The following ADAMTS9 variants were observed in gnomAD, a reference collection of about 807,000 sequenced individuals.
ADAMTS9 encodes the protein ADAM metallopeptidase with thrombospondin type 1 motif 9.
A neutral mutation model predicts 257.1 loss-of-function variants in ADAMTS9; 107 were observed. The observed-to-expected ratio is 0.42, with a 90% confidence interval of 0.36 to 0.49. The LOEUF is 0.49. Ranked by LOEUF, ADAMTS9 falls within the 20% of genes least tolerant of loss-of-function variation. ADAMTS9 has a pLI of 0.03. For missense variants in ADAMTS9, 2,353 were observed against 2,469.1 expected, an observed-to-expected ratio of 0.95 and a Z score of 1.00; for synonymous variants, 982 against 880.9, an observed-to-expected ratio of 1.11 and a Z score of -2.03.
At chr3:64,633,382 A>C in intron 14 of ADAMTS9, 90 bp downstream of exon 14, 1 of 1,556,102 alleles carries the variant, frequency 6.4e-7, no homozygotes, top group Non-Finnish European at 8.7e-7. Context: ...CAGTGCACAG[A>C]TACTAGCAGT....
chr3:64,658,441 A>AC, intron 4 of ADAMTS9, 61 bp downstream of exon 4: 3 of 1,524,528 alleles, frequency 2.0e-6, no homozygotes, highest in Non-Finnish European at 2.7e-6. Context: ...CTGAGTGGAA[A>AC]CCCATTCCCC....
chr3:64,557,045 G>A (rs553897124), intron 30 of ADAMTS9, among the ~76,000 whole-genome samples: 8 of 152,294 alleles, frequency 5.3e-5, no homozygotes, highest in East Asian at 1.9e-4. Flanking sequence ...AGTAATCTGC[G>A]TGTGTTGTGA....
chr3:64,633,636 C>A (rs777362942), intron 13 of ADAMTS9, 28 bp from the exon 14 acceptor site: 10 of 1,614,030 alleles, frequency 6.2e-6, no homozygotes, highest in Admixed American at 1.7e-5. Flanking sequence ...TACAACTTGA[C>A]TTTTGTGCCT....
intron 30 of ADAMTS9, among the ~76,000 whole-genome samples, chr3:64,555,919 C>G (rs1263174140): frequency 6.6e-6 from 1 of 152,146 alleles, no homozygotes; most frequent in Admixed American, 6.6e-5. Context: ...ATGCCTGGAA[C>G]TTCACAAGGG....
intron 31 of ADAMTS9, chr3:64,550,600 G>A: frequency 8.0e-6 from 3 of 374,550 alleles, no homozygotes; most frequent in South Asian, 4.5e-5. Context: ...CATCCTATGA[G>A]TTTGCAGCCC....
At chr3:64,622,715 T>C (rs926067919) in intron 16 of ADAMTS9, 129 bp from the exon 17 acceptor site, 9 of 955,134 alleles carry the variant, frequency 9.4e-6, no homozygotes, top group African/African-American at 6.6e-5. Flanking sequence ...CAGACAGGCA[T>C]GGCTTCAAGT....
rs766001875 is a variant in ADAMTS9, at chr3:64,631,824, A to G, written c.2277T>C (p.Phe759=). The G allele has an allele frequency of 6.2e-7, 1 of 1,613,142 alleles. No individual in the cohort carries two copies. The change falls in exon 15 of 40, where the codon TTT becomes TTC. Residue 759 remains phenylalanine, a synonymous_variant. Coordinates refer to ENST00000498707, the MANE Select transcript of ADAMTS9 (RefSeq NM_182920.2). ...GATTCTTACCATAATGTACTGTATT[A>G]AATGTTCCTGCCACTGTTTTGCATG... ...NSSCKTVAGT[F]NTVHYGYNTV...
chr3:64,658,482 C>CT lies in ADAMTS9; in HGVS notation c.969+19dup. The CT allele has an allele frequency of 6.2e-7, 1 of 1,600,140 alleles. No individual in the cohort carries two copies. Among genetic ancestry groups the CT allele is most frequent in the Non-Finnish European group, 8.5e-7 (1 of 1,173,004 alleles). ...CACATTTAGAGACCTCATAAATCAC[C>CT]TTCGTTTGAATGTACTTACAATTGA... On this transcript the variant is annotated intron_variant, in intron 4 of 39. Transcript: ENST00000498707.
At chr3:64,619,620 G>A (rs1393095810) in intron 19 of ADAMTS9, among the ~76,000 whole-genome samples, 1 of 151,992 alleles carries the variant, frequency 6.6e-6, no homozygotes, top group African/African-American at 2.4e-5. Context: ...AATAGATAAT[G>A]GGATAATATA....
rs1450584407 is a variant in ADAMTS9, at chr3:64,601,953, G to T, written c.4008C>A (p.Pro1336=). 1 of 1,603,596 alleles carries T rather than the reference G, an allele frequency of 6.2e-7. No homozygotes were observed. Among genetic ancestry groups the T allele is most frequent in the African/African-American group, 1.3e-5 (1 of 74,740 alleles). The change falls in exon 26 of 40, where the codon CCC becomes CCA. Residue 1336 remains proline (P), a synonymous_variant. Coordinates refer to ENST00000498707, the MANE Select transcript of ADAMTS9 (RefSeq NM_182920.2). ...TTCAGGGAATACTCACTGCTCCCCA[G>T]GGGCCAGTTCTCCACTGGTTTCCAC... The part of the protein sequence containing the change: ...VLGGNQWRTG[P]WGACSSTCAG...
At position 64,655,684 on chromosome 3, in the gene ADAMTS9, G is replaced by A. The variant is rs1701051638; in HGVS notation, c.1061C>T (p.Pro354Leu). 1.7e-5 allele frequency: 27 copies of A among 1,613,610 alleles called. No homozygotes were observed. Among genetic ancestry groups the A allele is most frequent in the Non-Finnish European group, 2.0e-5 (24 of 1,179,590 alleles). The part of the protein sequence containing the change: ...LIVIHNEQDG[P>L]SISFNAQTTL... ...TGTCTGAGCATTAAAAGATATGGAA[G>A]GCCCATCCTAAATACAGAGAAGAAT... is the stretch of plus-strand genomic sequence containing the variant. The change falls in exon 6 of 40, where the codon CCT becomes CTT. Residue 354 changes from proline to leucine, a missense_variant. Pro to Leu is a moderately conservative substitution (Grantham distance 98). This residue lies in a region of ADAMTS9 where 591 missense variants were observed against 569.6 expected (regional missense o/e 1.04). Coordinates refer to ENST00000498707, the MANE Select transcript of ADAMTS9 (RefSeq NM_182920.2).
At chr3:64,517,193 A>C (rs184558666) in intron 39 of ADAMTS9, 72 bp from the exon 40 acceptor site, 6 of 152,598 alleles carry the variant, frequency 3.9e-5, no homozygotes, top group Non-Finnish European at 8.8e-5. Context: ...GCAACTGATA[A>C]ATTTTTACAT....
chr3:64,540,179 T>A (rs2083102384), intron 36 of ADAMTS9, among the ~76,000 whole-genome samples: 1 of 152,202 alleles, frequency 6.6e-6, no homozygotes, highest in Non-Finnish European at 1.5e-5. Context: ...TTTTCCTAAG[T>A]GGAGAAACTG....
chr3:64,616,181 A>G lies in ADAMTS9; in HGVS notation c.2814-11T>C. On this transcript the variant is annotated splice_polypyrimidine_tract_variant and intron_variant, in intron 19 of 39. Coordinates refer to ENST00000498707, the MANE Select transcript of ADAMTS9 (RefSeq NM_182920.2). Reference sequence around the variant, plus strand: ...CTGGCAACATGCCACCTATGCAAAAATAATGGGGCAAAACCAACATTTCTG... The same window carrying G: ...CTGGCAACATGCCACCTATGCAAAAGTAATGGGGCAAAACCAACATTTCTG... 1.2e-6 allele frequency: 2 copies of G among 1,613,904 alleles called. No individual in the cohort carries two copies. The highest frequency in any genetic ancestry group is 1.7e-6 in the Non-Finnish European group (2 of 1,179,818).
At chr3:64,654,909 G>C (rs545576665) in intron 6 of ADAMTS9, among the ~76,000 whole-genome samples, 31 of 152,236 alleles carry the variant, frequency 2.0e-4, no homozygotes, top group Admixed American at 3.9e-4. Flanking sequence ...TTCCAGTTTC[G>C]TAAAGACTCT....
chr3:64,622,959 C>T (rs777490793), intron 16 of ADAMTS9, among the ~76,000 whole-genome samples: 40 of 152,250 alleles, frequency 2.6e-4, no homozygotes, highest in Non-Finnish European at 4.6e-4. Context: ...CATTAGTGAA[C>T]GGAACACTTA....
intron 29 of ADAMTS9, among the ~76,000 whole-genome samples, chr3:64,563,494 CAT>C (rs5849605): frequency 0.36 from 54,507 of 151,762 alleles, 12,103 homozygotes; most frequent in Non-Finnish European, 0.5. Context: ...AAAATGAAAA[CAT>C]ATTTAAAGAC....
chr3:64,525,585 T>G (rs2082900196), intron 38 of ADAMTS9, among the ~76,000 whole-genome samples: 1 of 152,086 alleles, frequency 6.6e-6, no homozygotes, highest in South Asian at 2.1e-4. Context: ...AAAATATAAT[T>G]AGAATAAATA....
At chr3:64,547,223 G>C (rs906273316) in intron 31 of ADAMTS9, among the ~76,000 whole-genome samples, 1 of 152,260 alleles carries the variant, frequency 6.6e-6, no homozygotes, top group East Asian at 1.9e-4. Flanking sequence ...TGGAGGTTTC[G>C]AAGGGAGGAG....
Sources: gnomAD v4.1 joint callset for allele counts (sites outside exome capture counted in the v4.1 genomes callset) on GRCh38, gnomAD v4.1.1 for gene constraint, gnomAD v4.1.1 regional missense constraint, MANE v1.5 for transcripts, NCBI Gene and HGNC (gene_info 2026-07-23, HGNC 2026-07-21) for gene names.